Variants in SLC25A21 observed in about 807,000 individuals in gnomAD.
SLC25A21 encodes mitochondrial 2-oxodicarboxylate carrier.
SLC25A21 carries 47 observed loss-of-function variants against 43.8 expected under a neutral mutation model. That is an observed-to-expected ratio of 1.07 (90% CI 0.85 to 1.37). The LOEUF is 1.37. Ranked by LOEUF, SLC25A21 falls within the 40% of genes most tolerant of loss-of-function variation. The pLI is 0.00. For missense variants in SLC25A21, 352 were observed against 350.2 expected (o/e 1.00, Z -0.04); for synonymous variants, 131 against 121.3 (o/e 1.08, Z -0.52).
At chr14:36,826,082 T>C (rs1490567694) in intron 2 of SLC25A21, among the ~76,000 whole-genome samples, 1 of 152,212 alleles carries the variant, frequency 6.6e-6, no homozygotes, top group East Asian at 1.9e-4. Context: ...GTCACCCAAG[T>C]GTTAAACTCT....
chr14:36,993,662 T>C (rs993888162), intron 1 of SLC25A21, among the ~76,000 whole-genome samples: 2 of 152,172 alleles, frequency 1.3e-5, no homozygotes, highest in Non-Finnish European at 2.9e-5. Context: ...GGGATTGATA[T>C]TTTCATTTCC....
chr14:37,111,754 A>G (rs1341003626), intron 1 of SLC25A21, among the ~76,000 whole-genome samples: 1 of 152,180 alleles, frequency 6.6e-6, no homozygotes, highest in African/African-American at 2.4e-5. Context: ...ACTAATTATA[A>G]TCTTATTCAA....
At chr14:36,734,452 C>T in intron 4 of SLC25A21, 55 bp downstream of exon 4, 2 of 1,347,416 alleles carry the variant, frequency 1.5e-6, no homozygotes, top group South Asian at 2.7e-5. Flanking sequence ...GTTTGTTGTG[C>T]TGAAGCTGTT....
At chr14:37,121,546 G>T (rs2138891745) in intron 1 of SLC25A21, among the ~76,000 whole-genome samples, 1 of 152,266 alleles carries the variant, frequency 6.6e-6, no homozygotes, top group East Asian at 1.9e-4. Flanking sequence ...CCAACACTTT[G>T]GGAGGCTGAG....
intron 6 of SLC25A21, 35 bp downstream of exon 6, chr14:36,725,535 A>G: frequency 1.2e-6 from 1 of 852,384 alleles, no homozygotes; most frequent in Non-Finnish European, 1.7e-6. Flanking sequence ...AAATTTTTAC[A>G]TGCCCCTAAC....
chr14:37,123,470 C>T (rs1409939807), intron 1 of SLC25A21, among the ~76,000 whole-genome samples: 1 of 152,146 alleles, frequency 6.6e-6, no homozygotes, highest in Non-Finnish European at 1.5e-5. Context: ...GCCAGATACT[C>T]CCTCTGACTA....
chr14:36,776,533 C>T (rs1010253613), intron 3 of SLC25A21, among the ~76,000 whole-genome samples: 4 of 151,908 alleles, frequency 2.6e-5, no homozygotes, highest in African/African-American at 7.3e-5. Flanking sequence ...TGAGCCACCG[C>T]GCCCGGCCCC....
At chr14:36,827,592 T>C (rs1438880997) in intron 2 of SLC25A21, among the ~76,000 whole-genome samples, 2 of 152,194 alleles carry the variant, frequency 1.3e-5, no homozygotes, top group African/African-American at 2.4e-5. Context: ...ATGAGTACCT[T>C]CAGTGGTGAA....
intron 1 of SLC25A21, among the ~76,000 whole-genome samples, chr14:36,993,501 C>T (rs1428658729): frequency 6.6e-6 from 1 of 152,120 alleles, no homozygotes; most frequent in African/African-American, 2.4e-5. Flanking sequence ...GTCAACAACA[C>T]AGGTGGTCCA....
intron 2 of SLC25A21, among the ~76,000 whole-genome samples, chr14:36,856,219 T>C (rs1889893151): frequency 6.6e-6 from 1 of 152,230 alleles, no homozygotes; most frequent in Non-Finnish European, 1.5e-5. Flanking sequence ...GATTGGTGAC[T>C]GACTCTGTTT....
At chr14:36,941,590 T>C (rs1048059177) in intron 1 of SLC25A21, among the ~76,000 whole-genome samples, 11 of 151,948 alleles carry the variant, frequency 7.2e-5, no homozygotes, top group African/African-American at 2.7e-4. Flanking sequence ...GCATATTTAA[T>C]TATGGCATGG....
At chr14:37,094,860 T>C (rs533564795) in intron 1 of SLC25A21, among the ~76,000 whole-genome samples, 2 of 152,102 alleles carry the variant, frequency 1.3e-5, no homozygotes, top group East Asian at 3.9e-4. Context: ...TTCAGTTGGA[T>C]AAGAGGAATA....
At chr14:36,864,360 C>T (rs1890152728) in intron 2 of SLC25A21, among the ~76,000 whole-genome samples, 1 of 152,134 alleles carries the variant, frequency 6.6e-6, no homozygotes, top group Non-Finnish European at 1.5e-5. Context: ...CCAACTGGCA[C>T]CTCTATTCCT....
intron 3 of SLC25A21, among the ~76,000 whole-genome samples, chr14:36,782,939 A>ACC (rs1466891177): frequency 7.7e-5 from 11 of 143,190 alleles, no homozygotes; most frequent in African/African-American, 2.6e-4. Context: ...GTACCCTAAA[A>ACC]CTTAAAGTAT....
intron 1 of SLC25A21, among the ~76,000 whole-genome samples, chr14:37,004,125 T>C (rs945067765): frequency 3.3e-5 from 5 of 152,168 alleles, no homozygotes; most frequent in African/African-American, 7.2e-5. Flanking sequence ...GATTAGCTCA[T>C]TGGTGCCACA....
At chr14:36,756,255 G>A (rs1397721958) in intron 3 of SLC25A21, among the ~76,000 whole-genome samples, 2 of 152,210 alleles carry the variant, frequency 1.3e-5, no homozygotes, top group Non-Finnish European at 2.9e-5. Flanking sequence ...CTGAGCGATT[G>A]GAAGCTGGTG....
intron 1 of SLC25A21, among the ~76,000 whole-genome samples, chr14:36,942,780 G>A (rs1892596524): frequency 6.6e-6 from 1 of 152,138 alleles, no homozygotes; most frequent in Non-Finnish European, 1.5e-5. Context: ...CCGGCTGTTT[G>A]TGAAGTTCAG....
At chr14:37,156,893 GA>G (rs763057880) in intron 1 of SLC25A21, among the ~76,000 whole-genome samples, 1 of 152,042 alleles carries the variant, frequency 6.6e-6, no homozygotes, top group Non-Finnish European at 1.5e-5. Context: ...TATCAACAAA[GA>G]AACACTGAAT....
At chr14:36,814,097 A>C in intron 2 of SLC25A21, 96 bp from the exon 3 acceptor site, 1 of 745,580 alleles carries the variant, frequency 1.3e-6, no homozygotes, top group Non-Finnish European at 2.3e-6. Flanking sequence ...TTTTCAGATT[A>C]ATCTAGAATA....
Sources: allele counts gnomAD v4.1 joint callset (sites outside exome capture counted in the v4.1 genomes callset), GRCh38; gene constraint gnomAD v4.1.1; transcripts MANE v1.5; gene names NCBI Gene and HGNC (gene_info 2026-07-23, HGNC 2026-07-21).